The following INTS9 variants were observed in gnomAD, a reference collection of about 807,000 sequenced individuals.
INTS9 encodes the protein integrator complex subunit 9.
In INTS9, 55 loss-of-function variants were observed where a neutral mutation model predicts 79.7. The observed-to-expected ratio is 0.69, with a 90% CI of 0.56 to 0.86. The LOEUF (loss-of-function observed/expected upper bound fraction) is 0.86. Among genes scored for constraint, INTS9 ranks in the 40% least tolerant of loss-of-function variants. INTS9 has a pLI of 0.00. For synonymous variants in INTS9, 319 were observed against 325.2 expected, an observed-to-expected ratio of 0.98 and a Z score of 0.20; for missense variants, 721 against 831.5, an observed-to-expected ratio of 0.87 and a Z score of 1.64.
chr8:28,882,757 A>AT (rs1458080402), intron 1 of INTS9, among the ~76,000 whole-genome samples: 1 of 152,192 alleles, frequency 6.6e-6, no homozygotes, highest in Non-Finnish European at 1.5e-5. Flanking sequence ...CTTGAACATC[A>AT]TTTGTCTGAT....
intron 3 of INTS9, among the ~76,000 whole-genome samples, chr8:28,847,902 G>T (rs1483758878): frequency 6.6e-6 from 1 of 152,214 alleles, no homozygotes; most frequent in Non-Finnish European, 1.5e-5. Context: ...TCCCACTGAG[G>T]AGCAATGGGG....
intron 8 of INTS9, among the ~76,000 whole-genome samples, chr8:28,807,651 A>G (rs1432481693): frequency 6.6e-6 from 1 of 152,250 alleles, no homozygotes; most frequent in Non-Finnish European, 1.5e-5. Context: ...TCACATGCTC[A>G]AAAGCATTTG....
At chr8:28,814,952 C>T (rs953799275) in intron 6 of INTS9, among the ~76,000 whole-genome samples, 16 of 152,160 alleles carry the variant, frequency 1.1e-4, no homozygotes, top group African/African-American at 3.9e-4. Context: ...ACCCATGGCA[C>T]ATAGACTTTC....
At chr8:28,812,542 G>C (rs1224359735) in intron 7 of INTS9, 81 bp from the exon 8 acceptor site, 2 of 1,462,280 alleles carry the variant, frequency 1.4e-6, no homozygotes, top group African/African-American at 2.8e-5. Context: ...AAAAACAACA[G>C]AAATATCCTC....
intron 12 of INTS9, among the ~76,000 whole-genome samples, chr8:28,778,573 C>T (rs1321135668): frequency 6.6e-6 from 1 of 152,174 alleles, no homozygotes; most frequent in Non-Finnish European, 1.5e-5. Context: ...TGCTCCCCAG[C>T]AGCCCCAGCC....
chr8:28,789,611 G>C (rs1803811376), intron 10 of INTS9, among the ~76,000 whole-genome samples: 1 of 152,168 alleles, frequency 6.6e-6, no homozygotes, highest in Admixed American at 6.5e-5. Context: ...AAAAGGATCA[G>C]AGCCAGGCAC....
At position 28,855,097 on chromosome 8, in the gene INTS9, C is replaced by A. The variant is rs117678179; in HGVS notation, c.137+4339G>T. On this transcript the variant is annotated intron_variant, in intron 2 of 16. Coordinates refer to ENST00000521022, the MANE Select transcript of INTS9 (RefSeq NM_018250.4). ...GAGCAGATTCCAAGACACTCCCTCC[C>A]AGTCCCCATCCAGCTAGTCCCCATC... Among the ~76,000 whole-genome samples, 23 of 152,336 alleles carry A rather than the reference C, an allele frequency of 1.5e-4. No homozygotes were observed. In the East Asian group the frequency reaches 4.2e-3, roughly 28 times the overall value.
Position 28,768,104 on chromosome 8 carries a change from G to T in INTS9, c.*42C>A. 1.9e-6 allele frequency: 3 copies of T among 1,595,542 alleles called. No individual in the cohort carries two copies. Among genetic ancestry groups the T allele is most frequent in the South Asian group, 1.1e-5 (1 of 90,588 alleles). ...CAGGTGGCTTGTGAGGGCAGCCAGT[G>T]AGGGACTGCAGGATTTCAGGGAAGT... On this transcript the variant is annotated 3_prime_UTR_variant, in exon 17 of 17. Transcript: ENST00000521022.
At chr8:28,802,868 G>T (rs559675597) in intron 8 of INTS9, among the ~76,000 whole-genome samples, 1 of 151,870 alleles carries the variant, frequency 6.6e-6, no homozygotes, top group East Asian at 1.9e-4. Context: ...CCACCACTTT[G>T]GGAGGCTGAG....
chr8:28,814,297 C>T (rs1197327562), intron 6 of INTS9, among the ~76,000 whole-genome samples: 1 of 110,326 alleles, frequency 9.1e-6, no homozygotes, highest in Admixed American at 8.6e-5. Context: ...CACACACACA[C>T]ACACACACAC....
intron 13 of INTS9, 50 bp from the exon 14 acceptor site, chr8:28,775,976 C>T: frequency 6.9e-7 from 1 of 1,440,896 alleles, no homozygotes; most frequent in South Asian, 1.4e-5. Context: ...GTACAGTGGC[C>T]CCTGTGGAAG....
rs567898157 is a variant in INTS9, at chr8:28,768,107, G to A, written c.*39C>T. ...GTGGCTTGTGAGGGCAGCCAGTGAG[G>A]GACTGCAGGATTTCAGGGAAGTAGC... is the stretch of plus-strand genomic sequence containing the variant. On this transcript the variant is annotated 3_prime_UTR_variant, in exon 17 of 17. Coordinates refer to ENST00000521022, the MANE Select transcript of INTS9 (RefSeq NM_018250.4). The A allele has an allele frequency of 5.6e-6, 9 of 1,599,412 alleles. No individual in the cohort carries two copies. The African/African-American group carries it at 1.2e-4, about 21-fold the overall frequency.
intron 6 of INTS9, among the ~76,000 whole-genome samples, chr8:28,829,373 A>G (rs528177006): frequency 7.9e-5 from 12 of 152,232 alleles, no homozygotes; most frequent in Non-Finnish European, 1.3e-4. Context: ...AGTTAGGAAG[A>G]AGGATGACTT....
intron 10 of INTS9, among the ~76,000 whole-genome samples, chr8:28,792,719 G>GC: frequency 6.6e-6 from 1 of 152,196 alleles, no homozygotes; most frequent in Admixed American, 6.5e-5. Context: ...TTCGAGACCA[G>GC]CTGACCAGCA....
At chr8:28,836,867 G>C (rs1221267749) in intron 5 of INTS9, among the ~76,000 whole-genome samples, 3 of 152,154 alleles carry the variant, frequency 2.0e-5, no homozygotes. Flanking sequence ...CAAGGCTCTA[G>C]AATCCAACCT....
At chr8:28,830,207 T>C (rs1806398072) in intron 6 of INTS9, among the ~76,000 whole-genome samples, 1 of 152,174 alleles carries the variant, frequency 6.6e-6, no homozygotes, top group South Asian at 2.1e-4. Context: ...GTGATAGAGA[T>C]AAATCTAAAG....
chr8:28,811,915 C>G (rs1219288012), intron 8 of INTS9, among the ~76,000 whole-genome samples: 1 of 152,234 alleles, frequency 6.6e-6, no homozygotes, highest in Non-Finnish European at 1.5e-5. Flanking sequence ...CCAACATCAT[C>G]AACTCCCCTA....
chr8:28,844,969 C>T (rs1179311287), intron 4 of INTS9, among the ~76,000 whole-genome samples: 1 of 152,102 alleles, frequency 6.6e-6, no homozygotes, highest in Non-Finnish European at 1.5e-5. Flanking sequence ...AGTTCATCTG[C>T]AAGTTTTTTC....
At chr8:28,791,890 G>C (rs941829082) in intron 10 of INTS9, among the ~76,000 whole-genome samples, 3 of 152,108 alleles carry the variant, frequency 2.0e-5, no homozygotes, top group Non-Finnish European at 2.9e-5. Context: ...GTCTCAGCAT[G>C]GGAAAACTAC....
Sources: gnomAD v4.1 joint callset for allele counts (sites outside exome capture counted in the v4.1 genomes callset) on GRCh38, gnomAD v4.1.1 for gene constraint, MANE v1.5 for transcripts, NCBI Gene and HGNC (gene_info 2026-07-23, HGNC 2026-07-21) for gene names.